DIS3L2: variants seen among roughly 807,000 people sequenced by gnomAD.
The protein encoded by DIS3L2 is DIS3 like 3'-5' exoribonuclease 2, also known as DIS3-like exonuclease 2.
In DIS3L2, 34 loss-of-function variants were observed where a neutral mutation model predicts 97.5. The observed-to-expected ratio is 0.35, with a 90% confidence interval of 0.27 to 0.46. The LOEUF is 0.46. Ranked by LOEUF, DIS3L2 falls within the 20% of genes least tolerant of loss-of-function variation. DIS3L2 has a pLI of 1.00. For missense variants in DIS3L2, 1,038 were observed against 1,146.0 expected (o/e 0.91, Z 1.36); for synonymous variants, 435 against 445.2 (o/e 0.98, Z 0.29).
intron 5 of DIS3L2, among the ~76,000 whole-genome samples, chr2:232,033,796 C>G (rs902251329): frequency 1.1e-4 from 17 of 152,142 alleles, no homozygotes; most frequent in African/African-American, 4.1e-4. Context: ...ATTGAACCAG[C>G]CTTGCATCCC....
chr2:232,303,714 A>T (rs1473393428), intron 14 of DIS3L2, among the ~76,000 whole-genome samples: 1 of 152,156 alleles, frequency 6.6e-6, no homozygotes, highest in Non-Finnish European at 1.5e-5. Flanking sequence ...GGATTCTTTT[A>T]TCAGCCCTCC....
intron 13 of DIS3L2, among the ~76,000 whole-genome samples, chr2:232,270,001 A>G (rs1693943761): frequency 1.3e-5 from 2 of 152,124 alleles, no homozygotes; most frequent in African/African-American, 4.8e-5. Context: ...GAGGGAAGAA[A>G]ATCGACAAGC....
intron 3 of DIS3L2, among the ~76,000 whole-genome samples, chr2:232,018,196 C>A (rs540811388): frequency 6.6e-6 from 1 of 152,176 alleles, no homozygotes; most frequent in Non-Finnish European, 1.5e-5. Flanking sequence ...CAGCGTTCTG[C>A]AGTGATATTA....
Position 232,061,512 on chromosome 2 carries a change from A to G in DIS3L2, c.367-25975A>G, listed in dbSNP as rs373327170. Among the ~76,000 whole-genome samples, 212 of 152,348 alleles carry G rather than the reference A, an allele frequency of 1.4e-3. 5 individuals carry two copies. The South Asian group carries it at 0.04, about 29-fold the overall frequency. ...CTTTTATGTTATTGTGAGCACACGT[A>G]CACGTATAGTTCTACTGCATTTTAC... On this transcript the variant is annotated intron_variant, in intron 5 of 20. Coordinates refer to ENST00000325385, the MANE Select transcript of DIS3L2 (RefSeq NM_152383.5).
intron 10 of DIS3L2, among the ~76,000 whole-genome samples, chr2:232,210,627 T>C (rs1412195807): frequency 6.6e-6 from 1 of 152,242 alleles, no homozygotes; most frequent in Non-Finnish European, 1.5e-5. Flanking sequence ...GTCCTCCCAC[T>C]AGACTCTTCT....
chr2:232,024,402 A>G (rs527522558), intron 4 of DIS3L2, 72 bp downstream of exon 4: 3 of 1,218,006 alleles, frequency 2.5e-6, no homozygotes, highest in Non-Finnish European at 1.2e-6. Flanking sequence ...AACTGAAATC[A>G]TATATTCTAA....
intron 19 of DIS3L2, 124 bp from the exon 20 acceptor site, chr2:232,335,649 G>C (rs891904194): frequency 1.8e-6 from 2 of 1,118,822 alleles, no homozygotes; most frequent in Admixed American, 2.4e-5. Flanking sequence ...GCTCCCTCCA[G>C]CCAGGCAAGG....
rs1575027216 is a variant in DIS3L2 at position 232,333,863 on chromosome 2, G to T, written c.2034G>T (p.Gly678=). The T allele has an allele frequency of 3.1e-6, 5 of 1,612,478 alleles. No homozygotes were observed. Among genetic ancestry groups the T allele is most frequent in the Middle Eastern group, 3.3e-4 (2 of 6,056 alleles). The change falls in exon 17 of 21, where the codon GGG becomes GGT. Residue 678 remains glycine (G), a synonymous_variant. Transcript: ENST00000325385. The part of the protein sequence containing the change: ...PMQMALYFCS[G]LLQDPAQFRH... Reference sequence around the variant, plus strand: ...AGATGGCACTGTACTTCTGCTCGGGGCTGCTGCAGGACCCAGCGCAGTTCC... The same window carrying T: ...AGATGGCACTGTACTTCTGCTCGGGTCTGCTGCAGGACCCAGCGCAGTTCC...
chr2:232,329,789 T>TGGGGA, intron 14 of DIS3L2, 24 bp from the exon 15 acceptor site: 1 of 368,622 alleles, frequency 2.7e-6, no homozygotes, highest in Non-Finnish European at 5.1e-6. Flanking sequence ...CAGCGGTCCC[T>TGGGGA]CCCATCCCAC....
At chr2:232,059,038 G>A (rs1161058625) in intron 5 of DIS3L2, among the ~76,000 whole-genome samples, 1 of 152,050 alleles carries the variant, frequency 6.6e-6, no homozygotes, top group African/African-American at 2.4e-5. Flanking sequence ...TATTAAAATA[G>A]TGCTTCTGGG....
chr2:232,113,376 T>C (rs1174508977), intron 6 of DIS3L2, among the ~76,000 whole-genome samples: 2 of 152,180 alleles, frequency 1.3e-5, no homozygotes, highest in Non-Finnish European at 2.9e-5. Context: ...GCTGTTCCCT[T>C]ATGCGGTACT....
At chr2:232,039,260 C>T (rs918866589) in intron 5 of DIS3L2, among the ~76,000 whole-genome samples, 2 of 152,162 alleles carry the variant, frequency 1.3e-5, no homozygotes, top group African/African-American at 4.8e-5. Context: ...AGAGAATATT[C>T]GGACTGTCAT....
intron 9 of DIS3L2, among the ~76,000 whole-genome samples, chr2:232,189,393 A>G (rs1396570427): frequency 1.3e-5 from 2 of 152,258 alleles, no homozygotes; most frequent in Non-Finnish European, 2.9e-5. Flanking sequence ...GTACTTGGCA[A>G]CAAAAGAGTG....
intron 10 of DIS3L2, among the ~76,000 whole-genome samples, chr2:232,233,952 G>T (rs139558064): frequency 2.6e-5 from 4 of 152,344 alleles, no homozygotes; most frequent in African/African-American, 9.6e-5. Flanking sequence ...AGGGACAGGA[G>T]TGAACATGGC....
intron 1 of DIS3L2, among the ~76,000 whole-genome samples, chr2:232,013,457 G>A (rs1694267927): frequency 6.6e-6 from 1 of 152,132 alleles, no homozygotes; most frequent in East Asian, 1.9e-4. Flanking sequence ...TTAATTTTGC[G>A]AGAACTCGCC....
At chr2:232,277,358 G>A (rs1038235723) in intron 13 of DIS3L2, among the ~76,000 whole-genome samples, 1 of 152,104 alleles carries the variant, frequency 6.6e-6, no homozygotes, top group Non-Finnish European at 1.5e-5. Context: ...TGGTGCAGCT[G>A]GAATGTTTCC....
Position 232,329,915 on chromosome 2 carries a change from A to T in DIS3L2, c.1842A>T (p.Gln614His). 1 of 1,612,808 alleles carries T rather than the reference A, an allele frequency of 6.2e-7. No homozygotes were observed. The highest frequency in any genetic ancestry group is 1.1e-5 in the South Asian group (1 of 90,982). ...QALLRRHPPP[Q>H]TRMLSDLVEF... ...TGCTGCGCCGGCACCCCCCGCCCCA[A>T]ACAAGGATGCTCAGTGACCTGGTGG... The change falls in exon 15 of 21, where the codon CAA (glutamine) becomes CAT (histidine). Residue 614 changes from glutamine (Q) to histidine (H), a missense_variant. Gln to His is a conservative substitution (Grantham distance 24, BLOSUM62 0). This residue lies in a region of DIS3L2 where 813 missense variants were observed against 880.1 expected (regional missense o/e 0.92). Transcript: ENST00000325385.
At chr2:232,343,468 G>T in exon 14 of DIS3L2, 1 of 1,555,954 alleles carries the variant, frequency 6.4e-7, no homozygotes, top group South Asian at 1.2e-5. Flanking sequence ...ATGTGACAGG[G>T]ATCCAGACAC....
At chr2:232,139,746 A>T (rs1698459714) in intron 8 of DIS3L2, among the ~76,000 whole-genome samples, 1 of 152,210 alleles carries the variant, frequency 6.6e-6, no homozygotes, top group Non-Finnish European at 1.5e-5. Context: ...GATCACTCTG[A>T]CTGAGAGTAA....
Sources: allele counts gnomAD v4.1 joint callset (sites outside exome capture counted in the v4.1 genomes callset), GRCh38; gene constraint gnomAD v4.1.1; regional missense constraint gnomAD v4.1.1; transcripts MANE v1.5; gene names NCBI Gene and HGNC (gene_info 2026-07-23, HGNC 2026-07-21).